Variants in KANK1 observed in about 807,000 individuals in gnomAD.
KANK1 encodes the protein KN motif and ankyrin repeat domain-containing protein 1.
In KANK1, 109 loss-of-function variants were observed where a neutral mutation model predicts 106.2. The ratio of observed to expected loss-of-function variants is 1.03; its 90% CI spans 0.88 to 1.20. The LOEUF (loss-of-function observed/expected upper bound fraction) is 1.20, where lower values mean the gene tolerates loss of function less well. Among genes scored for constraint, KANK1 ranks in the 50% most tolerant of loss-of-function variants. The pLI is 0.00. For synonymous variants in KANK1, 873 were observed against 652.2 expected (o/e 1.34, Z -5.16); for missense variants, 2,399 against 1,710.7 (o/e 1.40, Z -7.10).
chr9:517,799 C>T (rs181000550), intron 1 of KANK1, among the ~76,000 whole-genome samples: 79 of 146,012 alleles, frequency 5.4e-4, no homozygotes, highest in Middle Eastern at 3.6e-3. Flanking sequence ...AGTAAAGTGG[C>T]GTGATCTCGG....
chr9:558,135 A>G (rs1563766377), intron 1 of KANK1, among the ~76,000 whole-genome samples: 1 of 152,170 alleles, frequency 6.6e-6, no homozygotes, highest in Non-Finnish European at 1.5e-5. Flanking sequence ...ACCTTTGAAA[A>G]GGCTAGAGGA....
chr9:537,988 A>C (rs562073166), intron 1 of KANK1, among the ~76,000 whole-genome samples: 1 of 152,294 alleles, frequency 6.6e-6, no homozygotes, highest in African/African-American at 2.4e-5. Context: ...GAGTAGGCTC[A>C]AACATTTATT....
chr9:571,195 G>A (rs892808486), intron 1 of KANK1, among the ~76,000 whole-genome samples: 1 of 152,150 alleles, frequency 6.6e-6, no homozygotes, highest in Admixed American at 6.5e-5. Flanking sequence ...GTGTGACATG[G>A]TGGTGTCATA....
chr9:617,867 G>A (rs774882113), intron 1 of KANK1, among the ~76,000 whole-genome samples: 2 of 152,166 alleles, frequency 1.3e-5, no homozygotes, highest in African/African-American at 4.8e-5. Flanking sequence ...GAAAAAGAAA[G>A]CACGTATTTA....
At chr9:657,376 T>A (rs1472633091) in intron 1 of KANK1, among the ~76,000 whole-genome samples, 1 of 149,732 alleles carries the variant, frequency 6.7e-6, no homozygotes, top group Admixed American at 6.7e-5. Context: ...TTAGTTCTTT[T>A]GGGCATATAC....
intron 1 of KANK1, among the ~76,000 whole-genome samples, chr9:525,724 T>G (rs906966959): frequency 2.0e-5 from 3 of 151,562 alleles, no homozygotes; most frequent in Non-Finnish European, 4.4e-5. Flanking sequence ...TGTTGCATTT[T>G]TATTTAAGGA....
At chr9:647,048 G>C (rs1360785947) in intron 1 of KANK1, among the ~76,000 whole-genome samples, 2 of 151,020 alleles carry the variant, frequency 1.3e-5, no homozygotes, top group East Asian at 3.8e-4. Context: ...ATTTGGCTTT[G>C]AGTTACTAGG....
chr9:601,983 A>C (rs925917830), intron 1 of KANK1, among the ~76,000 whole-genome samples: 1 of 151,870 alleles, frequency 6.6e-6, no homozygotes, highest in Non-Finnish European at 1.5e-5. Flanking sequence ...TCCTGTGAAC[A>C]TGGTTGTACC....
At chr9:512,249 G>GTGTGTGTGTATATA (rs370159663) in intron 1 of KANK1, among the ~76,000 whole-genome samples, 15 of 149,616 alleles carry the variant, frequency 1.0e-4, no homozygotes, top group African/African-American at 3.2e-4. Context: ...GTGTGTGTGT[G>GTGTGTGTGTATATA]TATGTATATA....
intron 1 of KANK1, among the ~76,000 whole-genome samples, chr9:516,094 T>A (rs1587418254): frequency 6.6e-6 from 1 of 151,650 alleles, no homozygotes; most frequent in African/African-American, 2.4e-5. Context: ...GTATTGCTGA[T>A]CAGGGGACAG....
chr9:690,703 A>C (rs1372635894), intron 2 of KANK1, among the ~76,000 whole-genome samples: 1 of 152,216 alleles, frequency 6.6e-6, no homozygotes, highest in Non-Finnish European at 1.5e-5. Flanking sequence ...TCTTATCTCT[A>C]GACTAATGGA....
intron 1 of KANK1, among the ~76,000 whole-genome samples, chr9:658,563 G>C (rs1415087181): frequency 2.0e-5 from 3 of 151,744 alleles, no homozygotes; most frequent in African/African-American, 7.3e-5. Context: ...ACCTCTCTAA[G>C]CCCTAGGTCT....
intron 1 of KANK1, among the ~76,000 whole-genome samples, chr9:611,107 C>A (rs1384223394): frequency 6.6e-6 from 1 of 152,154 alleles, no homozygotes; most frequent in Non-Finnish European, 1.5e-5. Context: ...CTATCTCCAT[C>A]CCCAAGACCT....
At position 696,501 on chromosome 9, in the gene KANK1, T is replaced by C. The variant is rs78483644; in HGVS notation, c.38-14303T>C. On this transcript the variant is annotated intron_variant, in intron 2 of 11. Transcript: ENST00000382297. The stretch of plus-strand genomic sequence containing the variant: ...AAATGAGGTATCTGGGTTGGGCCCT[T>C]TAGGACAATGCAGCTGATTTTGACA... 2.3e-3 allele frequency among the ~76,000 whole-genome samples: 346 copies of C among 152,128 alleles called. 1 individual carries two copies. The highest frequency in any genetic ancestry group is 8.0e-3 in the African/African-American group (330 of 41,484).
intron 1 of KANK1, among the ~76,000 whole-genome samples, chr9:517,031 G>C (rs7861612): frequency 0.29 from 37,800 of 129,792 alleles, 7,587 homozygotes; most frequent in African/African-American, 0.62. Context: ...ACACACATCC[G>C]TCTTGTGTTT....
intron 1 of KANK1, among the ~76,000 whole-genome samples, chr9:567,675 C>G (rs1005849528): frequency 6.6e-6 from 1 of 152,174 alleles, no homozygotes; most frequent in Non-Finnish European, 1.5e-5. Flanking sequence ...AATGTGAAAC[C>G]AAGTCATCCA....
intron 3 of KANK1, among the ~76,000 whole-genome samples, chr9:724,699 G>A (rs1444258055): frequency 6.6e-6 from 1 of 152,096 alleles, no homozygotes; most frequent in Non-Finnish European, 1.5e-5. Context: ...CTACTCAGGA[G>A]GCTGAAGCAG....
intron 1 of KANK1, among the ~76,000 whole-genome samples, chr9:547,056 TG>T (rs2060976508): frequency 6.6e-6 from 1 of 152,216 alleles, no homozygotes; most frequent in South Asian, 2.1e-4. Flanking sequence ...GGTTGTTGTT[TG>T]AAACATTTGG....
chr9:725,671 C>A (rs566531084), intron 3 of KANK1, among the ~76,000 whole-genome samples: 5 of 152,088 alleles, frequency 3.3e-5, no homozygotes, highest in Non-Finnish European at 7.3e-5. Flanking sequence ...TGGCCCCCAT[C>A]CCAGAACTGC....
Sources: gnomAD v4.1 joint callset for allele counts (sites outside exome capture counted in the v4.1 genomes callset) on GRCh38, gnomAD v4.1.1 for gene constraint, MANE v1.5 for transcripts, NCBI Gene and HGNC (gene_info 2026-07-23, HGNC 2026-07-21) for gene names.